PODN: variants seen among roughly 807,000 people sequenced by gnomAD.
PODN encodes podocan proteoglycan.
PODN carries 40 observed loss-of-function variants against 52.7 expected under a neutral mutation model. The ratio of observed to expected loss-of-function variants is 0.76; its 90% CI spans 0.59 to 0.99. The LOEUF (loss-of-function observed/expected upper bound fraction) is 0.99. PODN is among the 50% of genes least tolerant of loss of function. The pLI, the probability that PODN is intolerant of heterozygous loss-of-function variation, is 0.00. For missense variants in PODN, 720 were observed against 815.1 expected (o/e 0.88, Z 1.42); for synonymous variants, 396 against 377.9 (o/e 1.05, Z -0.56).
rs746291140 is a variant in PODN at position 53,078,912 on chromosome 1, C to T, written c.1402C>T (p.Arg468Ter). The T allele has an allele frequency of 3.1e-6, 5 of 1,604,504 alleles. No individual in the cohort carries two copies. Among genetic ancestry groups the T allele is most frequent in the Non-Finnish European group, 4.3e-6 (5 of 1,175,928 alleles). Reference protein sequence around the residue: ...VKRNELAALARGALVGMAQLR... With the variant: ...VKRNELAALA ...GCGCAATGAGCTGGCTGCCTTGGCACGAGGGGCGCTGGTGGGCATGGCTCA... is the reference window on the plus strand; with the variant it reads ...GCGCAATGAGCTGGCTGCCTTGGCATGAGGGGCGCTGGTGGGCATGGCTCA... The change falls in exon 8 of 11, where the codon CGA becomes TGA. Residue 468 changes from arginine (R) to a stop codon, truncating the protein, a stop_gained. Coordinates refer to ENST00000312553, the MANE Select transcript of PODN (RefSeq NM_153703.5). LOFTEE classifies it high-confidence loss of function.
chr1:53,063,335 C>T lies in PODN; in HGVS notation c.-56+1027C>T, dbSNP rs189284393. 9 of 984,970 alleles carry T rather than the reference C, an allele frequency of 9.1e-6. No homozygotes were observed. The African/African-American group carries it at 1.0e-4, about 11-fold the overall frequency. 61.0% of individuals were successfully genotyped at this position (984,970 alleles called of 1,614,324 possible). A position where few individuals can be genotyped will look rare whatever the true frequency, so the allele number is the denominator to read the frequency against. On this transcript the variant is annotated intron_variant, in intron 1 of 10. Transcript: ENST00000312553. ...CTCACCCAGCGCTTGGAGTGAATTA[C>T]TGACCTGTCTGCCCTTCGATTACCG...
chr1:53,069,890 T>TGCTGCC lies in PODN; in HGVS notation c.38_43dup (p.Leu13_Pro14dup). On this transcript the variant is annotated inframe_insertion, in exon 2 of 11. Coordinates refer to ENST00000312553, the MANE Select transcript of PODN (RefSeq NM_153703.5). Reference sequence around the variant, plus strand: ...AGCCGGGTGCTGCTGCTCCTGCTGCTGCTGCCGCCACAGCTGCACCTGGGA... The same window carrying TGCTGCC: ...AGCCGGGTGCTGCTGCTCCTGCTGCTGCTGCCGCTGCCGCCACAGCTGCACCTGGGA... The TGCTGCC allele has an allele frequency of 6.4e-7, 1 of 1,567,476 alleles. No homozygotes were observed. Among genetic ancestry groups the TGCTGCC allele is most frequent in the Non-Finnish European group, 8.6e-7 (1 of 1,156,882 alleles).
In PODN at chr1:53,078,677, C is replaced by T. The variant is rs774349309; in HGVS notation, c.1167C>T (p.His389=). The T allele has an allele frequency of 1.2e-6, 2 of 1,613,294 alleles. No individual in the cohort carries two copies. Among genetic ancestry groups the T allele is most frequent in the Non-Finnish European group, 1.7e-6 (2 of 1,179,978 alleles). ...GCGTGCGCACCCTCATGATCCTGCA[C>T]AACCAGATCACAGGCATTGGCCGCG... The part of the protein sequence containing the change: ...PRRVRTLMIL[H]NQITGIGRED... The change falls in exon 8 of 11, where the codon CAC becomes CAT. Residue 389 remains histidine, a synonymous_variant. Transcript: ENST00000312553.
At chr1:53,072,448 C>A (rs1644132980) in intron 3 of PODN, among the ~76,000 whole-genome samples, 1 of 152,152 alleles carries the variant, frequency 6.6e-6, no homozygotes, top group African/African-American at 2.4e-5. Flanking sequence ...GGACAGAGTT[C>A]TAAAAGAGCC....
Position 53,070,087 on chromosome 1 carries a change from G to A in PODN, c.232G>A (p.Gly78Ser). 1.9e-6 allele frequency: 3 copies of A among 1,612,982 alleles called. No individual in the cohort carries two copies. The highest frequency in any genetic ancestry group is 1.7e-6 in the Non-Finnish European group (2 of 1,180,024). Residue 78 changes from glycine to serine, a missense_variant, in exon 2 of 11, where the codon GGC (glycine) becomes AGC (serine). Transcript: ENST00000312553. ...CPRDCACSQEGVVDCGGIDLR... is the reference protein window; with the variant it reads ...CPRDCACSQESVVDCGGIDLR... ...CCGAGACTGTGCCTGTTCCCAGGAG[G>A]GCGTCGTGGACTGTGGCGGTATTGA...
At chr1:53,067,352 C>T (rs1644048642) in intron 1 of PODN, among the ~76,000 whole-genome samples, 2 of 152,042 alleles carry the variant, frequency 1.3e-5, no homozygotes, top group African/African-American at 4.8e-5. Context: ...CCCCTCACCC[C>T]CAGTCTGGGT....
Position 53,085,047 on chromosome 1 carries a change from CAGG to C in PODN, c.*563_*565del. The C allele has an allele frequency of 6.6e-6, 1 of 152,338 alleles. No homozygotes were observed. The highest frequency in any genetic ancestry group is 2.4e-5 in the African/African-American group (1 of 41,456). 9.4% of individuals were successfully genotyped at this position (152,338 alleles called of 1,614,324 possible). A position where few individuals can be genotyped will look rare whatever the true frequency, so the allele number is the denominator to read the frequency against. On this transcript the variant is annotated 3_prime_UTR_variant, in exon 11 of 11. Transcript: ENST00000312553. ...CACAAGGGTATCCATGCTCTGTGGC[CAGG>C]TGCCTGCCACCCTCTGGAACTCACA...
chr1:53,063,818 T>C (rs1320313014), intron 1 of PODN, among the ~76,000 whole-genome samples: 1 of 152,112 alleles, frequency 6.6e-6, no homozygotes, highest in Non-Finnish European at 1.5e-5. Flanking sequence ...TACATGCGAG[T>C]GCTGGCCGTG....
chr1:53,076,279 GC>G (rs1557653826), intron 5 of PODN, among the ~76,000 whole-genome samples: 1 of 152,196 alleles, frequency 6.6e-6, no homozygotes, highest in Non-Finnish European at 1.5e-5. Context: ...AGGAGCAACC[GC>G]CCCCCAGCAT....
At chr1:53,064,464 C>T (rs1331275862) in intron 1 of PODN, among the ~76,000 whole-genome samples, 1 of 152,242 alleles carries the variant, frequency 6.6e-6, no homozygotes, top group Non-Finnish European at 1.5e-5. Flanking sequence ...CTATTAGAGT[C>T]AATAAGATGC....
intron 1 of PODN, among the ~76,000 whole-genome samples, chr1:53,062,588 G>A (rs1643973757): frequency 6.6e-6 from 1 of 152,220 alleles, no homozygotes; most frequent in African/African-American, 2.4e-5. Context: ...CATCTGGAAA[G>A]AATCTGAGGG....
Position 53,074,589 on chromosome 1 carries a change from A to G in PODN, c.407-17A>G, listed in dbSNP as rs772267798. The G allele has an allele frequency of 6.2e-7, 1 of 1,613,746 alleles. No individual in the cohort carries two copies. Among genetic ancestry groups the G allele is most frequent in the Non-Finnish European group, 8.5e-7 (1 of 1,179,970 alleles). On this transcript the variant is annotated splice_polypyrimidine_tract_variant and intron_variant, in intron 3 of 10. Transcript: ENST00000312553. ...TCTCCTCCATCCAGGGCTCTGACCG[A>G]TGCCTGTCCTTTGAAGGGCTCCCAG...
intron 3 of PODN, among the ~76,000 whole-genome samples, chr1:53,074,039 C>T (rs1557652299): frequency 6.6e-6 from 1 of 152,274 alleles, no homozygotes; most frequent in Non-Finnish European, 1.5e-5. Flanking sequence ...GTTTATATAA[C>T]TGTTCCCTCT....
chr1:53,079,093 T>G, intron 8 of PODN, 71 bp downstream of exon 8: 1 of 1,437,350 alleles, frequency 7.0e-7, no homozygotes, highest in African/African-American at 1.4e-5. Context: ...TGAGCCCACC[T>G]GTCTGAAGGG....
intron 2 of PODN, chr1:53,071,152 G>A (rs1644110919): frequency 6.1e-6 from 1 of 165,236 alleles, no homozygotes; most frequent in African/African-American, 2.4e-5. Context: ...TAAGTGGAGA[G>A]GGGACTGCAG....
At position 53,080,829 on chromosome 1, in the gene PODN, C is replaced by T. The variant is rs760906205; in HGVS notation, c.1614C>T (p.Pro538=). Residue 538 remains proline, a synonymous_variant, in exon 9 of 11, where the codon CCC becomes CCT. Coordinates refer to ENST00000312553, the MANE Select transcript of PODN (RefSeq NM_153703.5). ...YLQNNKISAV[P]ANAFDSTPNL... ...AGAACAACAAGATTAGTGCGGTGCC[C>T]GCCAATGCCTTCGACTCCACGCCCA... 8.7e-6 allele frequency: 14 copies of T among 1,614,008 alleles called. No homozygotes were observed. The highest frequency in any genetic ancestry group is 1.7e-5 in the Admixed American group (1 of 60,006).
At chr1:53,080,027 C>A (rs1323136093) in intron 8 of PODN, among the ~76,000 whole-genome samples, 2 of 136,210 alleles carry the variant, frequency 1.5e-5, no homozygotes, top group African/African-American at 2.7e-5. Flanking sequence ...AAAGGAAACT[C>A]ATCAGAGAAC....
chr1:53,073,098 G>A, intron 3 of PODN: 1 of 225,426 alleles, frequency 4.4e-6, no homozygotes, highest in South Asian at 7.8e-5. Context: ...GACCAAGACA[G>A]CATCTCTCCT....
chr1:53,071,669 G>A, intron 3 of PODN, 41 bp downstream of exon 3: 1 of 1,549,880 alleles, frequency 6.5e-7, no homozygotes, highest in Admixed American at 1.7e-5. Context: ...GACACCAAGT[G>A]GGGCCTTGGG....
Sources: allele counts gnomAD v4.1 joint callset (sites outside exome capture counted in the v4.1 genomes callset), GRCh38; gene constraint gnomAD v4.1.1; transcripts MANE v1.5; gene names NCBI Gene and HGNC (gene_info 2026-07-23, HGNC 2026-07-21).